The following DOK6 variants were observed in gnomAD, a reference collection of about 807,000 sequenced individuals.
DOK6 encodes downstream of tyrosine kinase 6.
DOK6 carries 22 observed loss-of-function variants against 44.0 expected under a neutral mutation model. The observed-to-expected ratio is 0.50, with a 90% CI of 0.36 to 0.71. DOK6 has a LOEUF of 0.71. Among genes scored for constraint, DOK6 ranks in the 30% least tolerant of loss-of-function variants. The pLI is 0.00. For missense variants in DOK6, 340 were observed against 416.4 expected, an observed-to-expected ratio of 0.82 and a Z score of 1.60; for synonymous variants, 166 against 145.5, an observed-to-expected ratio of 1.14 and a Z score of -1.01.
At chr18:69,538,539 G>A (rs758926816) in intron 1 of DOK6, among the ~76,000 whole-genome samples, 7 of 151,830 alleles carry the variant, frequency 4.6e-5, no homozygotes, top group Non-Finnish European at 8.8e-5. Context: ...CCACCACCAT[G>A]CCCAGCTAAC....
intron 3 of DOK6, among the ~76,000 whole-genome samples, chr18:69,646,320 A>AC (rs1374957819): frequency 6.6e-6 from 1 of 151,952 alleles, no homozygotes; most frequent in Admixed American, 6.6e-5. Context: ...TGACATTCTG[A>AC]CAGAAGGTGT....
chr18:69,602,974 T>A (rs1599215985), intron 3 of DOK6, among the ~76,000 whole-genome samples: 1 of 152,210 alleles, frequency 6.6e-6, no homozygotes, highest in African/African-American at 2.4e-5. Flanking sequence ...ACTAAAATCA[T>A]TGCCACTGTT....
intron 1 of DOK6, among the ~76,000 whole-genome samples, chr18:69,464,701 G>A (rs986078917): frequency 7.2e-5 from 11 of 152,278 alleles, no homozygotes; most frequent in East Asian, 3.9e-4. Flanking sequence ...TGCAATTTGC[G>A]CTAATTGTGA....
At chr18:69,557,197 C>A (rs1268052673) in intron 1 of DOK6, among the ~76,000 whole-genome samples, 1 of 152,164 alleles carries the variant, frequency 6.6e-6, no homozygotes, top group Admixed American at 6.5e-5. Flanking sequence ...CTAACACCCC[C>A]TTTAGAGCAA....
chr18:69,718,627 G>A (rs1986936436), intron 5 of DOK6, among the ~76,000 whole-genome samples: 1 of 152,170 alleles, frequency 6.6e-6, no homozygotes, highest in Non-Finnish European at 1.5e-5. Context: ...CTCAAAGAGT[G>A]AGTAATCACT....
At chr18:69,785,257 A>G (rs1039408540) in intron 7 of DOK6, among the ~76,000 whole-genome samples, 8 of 152,244 alleles carry the variant, frequency 5.3e-5, no homozygotes, top group East Asian at 1.9e-4. Flanking sequence ...CTTACTGAGC[A>G]TCTTATTCAT....
At chr18:69,523,677 A>G (rs1981749685) in intron 1 of DOK6, among the ~76,000 whole-genome samples, 1 of 151,838 alleles carries the variant, frequency 6.6e-6, no homozygotes, top group African/African-American at 2.4e-5. Context: ...TTCTCTTGGA[A>G]GTTTTTTTCT....
chr18:69,835,680 T>C (rs180852461), intron 7 of DOK6, among the ~76,000 whole-genome samples: 1 of 152,304 alleles, frequency 6.6e-6, no homozygotes, highest in East Asian at 1.9e-4. Context: ...CAGCGTCTCC[T>C]CTGTGTCTAT....
At chr18:69,454,843 G>T (rs1258057156) in intron 1 of DOK6, among the ~76,000 whole-genome samples, 2 of 145,546 alleles carry the variant, frequency 1.4e-5, no homozygotes, top group African/African-American at 5.1e-5. Flanking sequence ...CTCACTCATA[G>T]GTGGGAATTG....
At chr18:69,817,111 T>C (rs1981421916) in intron 7 of DOK6, among the ~76,000 whole-genome samples, 1 of 152,198 alleles carries the variant, frequency 6.6e-6, no homozygotes, top group Non-Finnish European at 1.5e-5. Context: ...GAGTAAGCTT[T>C]AGTTCCTCGA....
At chr18:69,642,419 C>T (rs1356071539) in intron 3 of DOK6, among the ~76,000 whole-genome samples, 1 of 151,988 alleles carries the variant, frequency 6.6e-6, no homozygotes, top group Admixed American at 6.6e-5. Flanking sequence ...GCCTGTAGTC[C>T]CAGCTACTTT....
chr18:69,531,039 T>C (rs559958744), intron 1 of DOK6, among the ~76,000 whole-genome samples: 50 of 152,090 alleles, frequency 3.3e-4, no homozygotes, highest in Admixed American at 5.2e-4. Flanking sequence ...TTGATCTTTG[T>C]TGGTTTAAAG....
chr18:69,600,457 C>T (rs1369125096), intron 3 of DOK6, among the ~76,000 whole-genome samples: 1 of 152,108 alleles, frequency 6.6e-6, no homozygotes, highest in Non-Finnish European at 1.5e-5. Flanking sequence ...CACTTGCCAT[C>T]TGACCTCCTT....
chr18:69,769,794 G>T (rs372854229), intron 7 of DOK6, among the ~76,000 whole-genome samples: 4 of 152,032 alleles, frequency 2.6e-5, no homozygotes, highest in East Asian at 3.9e-4. Context: ...CCTTCTGAAA[G>T]CAGTGAGACA....
chr18:69,842,008 C>G lies in DOK6; in HGVS notation c.*625C>G, dbSNP rs1331846166. 6.6e-6 allele frequency: 1 copy of G among 151,500 alleles called. No individual in the cohort carries two copies. The highest frequency in any genetic ancestry group is 1.9e-4 in the East Asian group (1 of 5,152). 9.4% of individuals were successfully genotyped at this position (151,500 alleles called of 1,614,324 possible). On this transcript the variant is annotated 3_prime_UTR_variant, in exon 8 of 8. Transcript: ENST00000382713. The stretch of plus-strand genomic sequence containing the variant: ...GACAAATGGATATTGCTATATCCAT[C>G]TATATATAACAAGTATATATCAAAC...
intron 3 of DOK6, among the ~76,000 whole-genome samples, chr18:69,635,065 A>T (rs367995986): frequency 3.0e-4 from 45 of 152,304 alleles, no homozygotes; most frequent in African/African-American, 1.0e-3. Context: ...GGTGGGCTCC[A>T]GTTGACACAA....
chr18:69,820,999 A>T lies in DOK6; in HGVS notation c.857-20245A>T, dbSNP rs1330039465. Among the ~76,000 whole-genome samples the T allele has an allele frequency of 2.0e-5, 3 of 152,256 alleles. No individual in the cohort carries two copies. The East Asian group carries it at 5.8e-4, about 29-fold the overall frequency. On this transcript the variant is annotated intron_variant, in intron 7 of 7. Transcript: ENST00000382713. ...TCTGTACAACAAAACTCCCCATGAC[A>T]AAAGTTTACCTATATAACAAACCTG...
chr18:69,657,191 G>A (rs974042260), intron 3 of DOK6, among the ~76,000 whole-genome samples: 1 of 152,158 alleles, frequency 6.6e-6, no homozygotes, highest in African/African-American at 2.4e-5. Context: ...GTGAAAGGAT[G>A]GGAAGGATGA....
At chr18:69,547,061 G>C (rs1982426167) in intron 1 of DOK6, among the ~76,000 whole-genome samples, 1 of 151,432 alleles carries the variant, frequency 6.6e-6, no homozygotes, top group African/African-American at 2.4e-5. Flanking sequence ...AGGAACAAGA[G>C]AGATAGTTGG....
Sources: gnomAD v4.1 joint callset for allele counts (sites outside exome capture counted in the v4.1 genomes callset) on GRCh38, gnomAD v4.1.1 for gene constraint, MANE v1.5 for transcripts, NCBI Gene and HGNC (gene_info 2026-07-23, HGNC 2026-07-21) for gene names.